The following GOLM2 variants were observed in gnomAD, a reference collection of about 807,000 sequenced individuals.
GOLM2 encodes golgi membrane protein 2.
Under a neutral mutation model 55.9 loss-of-function variants are expected in GOLM2, and 26 were observed. The observed-to-expected ratio is 0.47, with a 90% CI of 0.34 to 0.65. The LOEUF is 0.65. Ranked by LOEUF, GOLM2 falls within the 30% of genes least tolerant of loss-of-function variation. The pLI is 0.01. For missense variants in GOLM2, 486 were observed against 531.8 expected (o/e 0.91, Z 0.85); for synonymous variants, 165 against 194.6 (o/e 0.85, Z 1.27).
At chr15:44,392,456 C>T (rs2079497068) in intron 8 of GOLM2, among the ~76,000 whole-genome samples, 1 of 151,856 alleles carries the variant, frequency 6.6e-6, no homozygotes, top group African/African-American at 2.4e-5. Flanking sequence ...AACCCTGTCT[C>T]TACTAAAAAT....
intron 7 of GOLM2, 130 bp downstream of exon 7, chr15:44,379,918 T>C (rs1453831831): frequency 6.1e-6 from 3 of 492,138 alleles, no homozygotes; most frequent in Admixed American, 3.7e-5. Flanking sequence ...ATGTTATTTT[T>C]TTTTAGACTA....
intron 1 of GOLM2, among the ~76,000 whole-genome samples, chr15:44,291,491 T>C (rs1187144110): frequency 6.6e-6 from 1 of 152,242 alleles, no homozygotes; most frequent in African/African-American, 2.4e-5. Context: ...TTAAAATGTC[T>C]GCCATCTTTC....
chr15:44,338,431 T>C, intron 6 of GOLM2, 114 bp downstream of exon 6: 2 of 741,004 alleles, frequency 2.7e-6, no homozygotes, highest in Non-Finnish European at 4.3e-6. Context: ...ATGATCGATA[T>C]TTCTACTTAA....
chr15:44,361,995 C>G (rs1422028114), intron 6 of GOLM2, among the ~76,000 whole-genome samples: 3 of 152,146 alleles, frequency 2.0e-5, no homozygotes, highest in South Asian at 4.1e-4. Flanking sequence ...ATTCAACAAC[C>G]CTTCATGCTA....
intron 6 of GOLM2, among the ~76,000 whole-genome samples, chr15:44,350,735 A>C (rs1268373900): frequency 1.3e-5 from 2 of 152,180 alleles, no homozygotes; most frequent in Non-Finnish European, 1.5e-5. Flanking sequence ...ACAAAACACT[A>C]TCAAACCGAA....
intron 6 of GOLM2, chr15:44,355,086 A>G (rs1349758436): frequency 1.8e-5 from 3 of 169,390 alleles, no homozygotes; most frequent in Non-Finnish European, 3.8e-5. Context: ...TTTGATGGGC[A>G]TGAACCATGA....
intron 4 of GOLM2, among the ~76,000 whole-genome samples, chr15:44,336,814 G>A (rs2079060229): frequency 6.6e-6 from 1 of 152,072 alleles, no homozygotes; most frequent in African/African-American, 2.4e-5. Flanking sequence ...TACTCGGGAG[G>A]CTAAGGCAGG....
At chr15:44,360,750 A>AT (rs199690858) in intron 6 of GOLM2, among the ~76,000 whole-genome samples, 1,750 of 152,152 alleles carry the variant, frequency 0.012, 40 homozygotes, top group East Asian at 0.087. Context: ...CAGAATATAC[A>AT]TTTTTTTCAG....
rs188071203 is a variant in GOLM2 at position 44,380,724 on chromosome 15, T to C, written c.902-82T>C. The stretch of plus-strand genomic sequence containing the variant: ...TGTTAAACAATAGTGTGTCTTAGCT[T>C]TCTAAAGCAGATCTTGTGAAATTCA... On this transcript the variant is annotated intron_variant, in intron 7 of 9. Coordinates refer to ENST00000299957, the MANE Select transcript of GOLM2 (RefSeq NM_138423.4). 7.5e-5 allele frequency: 82 copies of C among 1,088,144 alleles called. No homozygotes were observed. In the Admixed American group the frequency reaches 2.9e-3, roughly 38 times the overall value. 67.4% of individuals were successfully genotyped at this position (1,088,144 alleles called of 1,614,324 possible).
chr15:44,355,835 G>T (rs1329493462), intron 6 of GOLM2: 1 of 152,914 alleles, frequency 6.5e-6, no homozygotes, highest in East Asian at 1.9e-4. Context: ...ATCCCCTGAA[G>T]AATGGGAGGG....
rs1426150889 is a variant in GOLM2, at chr15:44,364,269, ATCTC to A, written c.803-15420_803-15417del. 3.5e-4 allele frequency among the ~76,000 whole-genome samples: 54 copies of A among 152,302 alleles called. No individual in the cohort carries two copies. In the East Asian group the frequency reaches 4.4e-3, roughly 13 times the overall value. On this transcript the variant is annotated intron_variant, in intron 6 of 9. Transcript: ENST00000299957. Reference sequence around the variant, plus strand: ...CTCGGTATGGTGGCTCACATCTGTAATCTCAGCACTTTGGGAGGCTGAGGCAGGT... The same window carrying A: ...CTCGGTATGGTGGCTCACATCTGTAAAGCACTTTGGGAGGCTGAGGCAGGT...
intron 6 of GOLM2, among the ~76,000 whole-genome samples, chr15:44,365,076 A>T (rs2079274758): frequency 2.6e-5 from 4 of 152,232 alleles, no homozygotes; most frequent in Admixed American, 2.6e-4. Flanking sequence ...TCCACACAGT[A>T]GCCTGCACAT....
chr15:44,327,799 G>A (rs2078994833), intron 2 of GOLM2, among the ~76,000 whole-genome samples: 1 of 152,136 alleles, frequency 6.6e-6, no homozygotes, highest in South Asian at 2.1e-4. Context: ...ACAAGTGTTT[G>A]GCCAGGTTAT....
Position 44,289,069 on chromosome 15 carries a change from C to A in GOLM2, c.40C>A (p.Pro14Thr). 2 of 1,613,966 alleles carry A rather than the reference C, an allele frequency of 1.2e-6. No homozygotes were observed. The highest frequency in any genetic ancestry group is 1.7e-6 in the Non-Finnish European group (2 of 1,179,940). ...FGANRRAGRL[P>T]SLVLVVLLVV... Reference sequence around the variant, plus strand: ...GGCCAACCGGCGGGCTGGCCGCCTGCCCTCTCTCGTGCTGGTGGTGCTGCT... The same window carrying A: ...GGCCAACCGGCGGGCTGGCCGCCTGACCTCTCTCGTGCTGGTGGTGCTGCT... The change falls in exon 1 of 10, where the codon CCC becomes ACC. Residue 14 changes from proline to threonine, a missense_variant. Transcript: ENST00000299957. This position sits in a 1 kb window ranked among gnomAD's most constrained non-coding sequence, Gnocchi z 4.8.
chr15:44,334,883 T>C (rs2079045900), intron 4 of GOLM2, among the ~76,000 whole-genome samples: 1 of 152,072 alleles, frequency 6.6e-6, no homozygotes, highest in African/African-American at 2.4e-5. Context: ...TACAAAAAGT[T>C]ATCCGGGCAT....
chr15:44,321,130 G>A (rs1178496285), intron 1 of GOLM2, among the ~76,000 whole-genome samples: 1 of 152,062 alleles, frequency 6.6e-6, no homozygotes, highest in East Asian at 1.9e-4. Flanking sequence ...TTCCCATTGA[G>A]TGGCTGGACA....
chr15:44,356,411 C>T (rs932987607), intron 6 of GOLM2, among the ~76,000 whole-genome samples: 2 of 152,102 alleles, frequency 1.3e-5, no homozygotes, highest in Non-Finnish European at 2.9e-5. Context: ...CTACAGATCC[C>T]ATGGACATTA....
At chr15:44,311,806 T>C (rs1239421379) in intron 1 of GOLM2, among the ~76,000 whole-genome samples, 1 of 151,978 alleles carries the variant, frequency 6.6e-6, no homozygotes, top group Non-Finnish European at 1.5e-5. Flanking sequence ...CCCACCACCA[T>C]GCCTGGCTAA....
intron 4 of GOLM2, among the ~76,000 whole-genome samples, chr15:44,336,911 G>A (rs1248113406): frequency 1.3e-5 from 2 of 151,956 alleles, no homozygotes; most frequent in African/African-American, 2.4e-5. Flanking sequence ...GCAAGACTCC[G>A]TCTCAGAAAT....
Sources: allele counts gnomAD v4.1 joint callset (sites outside exome capture counted in the v4.1 genomes callset), GRCh38; gene constraint gnomAD v4.1.1; non-coding constraint Gnocchi (gnomAD v3.1); transcripts MANE v1.5; gene names NCBI Gene and HGNC (gene_info 2026-07-23, HGNC 2026-07-21).